The following GDI2 variants were observed in gnomAD, a reference collection of about 807,000 sequenced individuals.
GDI2 encodes the protein GDP dissociation inhibitor 2.
In GDI2, 22 loss-of-function variants were observed where a neutral mutation model predicts 54.2. That is an observed-to-expected ratio of 0.41 (90% CI 0.29 to 0.58). The LOEUF (loss-of-function observed/expected upper bound fraction) is 0.58. Among genes scored for constraint, GDI2 ranks in the 20% least tolerant of loss-of-function variants. The pLI, the probability that GDI2 is intolerant of heterozygous loss-of-function variation, is 0.35. For synonymous variants in GDI2, 177 were observed against 182.1 expected, an observed-to-expected ratio of 0.97 and a Z score of 0.23; for missense variants, 422 against 546.0, an observed-to-expected ratio of 0.77 and a Z score of 2.26.
intron 6 of GDI2, among the ~76,000 whole-genome samples, chr10:5,784,101 A>C (rs1476071486): frequency 6.6e-6 from 1 of 152,182 alleles, no homozygotes; most frequent in Non-Finnish European, 1.5e-5. Flanking sequence ...TGTTTAACAA[A>C]CTTATTGGAG....
At position 5,774,886 on chromosome 10, in the gene GDI2, C is replaced by CAGGGGAAGGGGAAGGGCAAGGGCA. The variant is rs2131686212; in HGVS notation, c.720-969_720-946dup. 7.0e-6 allele frequency among the ~76,000 whole-genome samples: 1 copy of CAGGGGAAGGGGAAGGGCAAGGGCA among 143,056 alleles called. No homozygotes were observed. The highest frequency in any genetic ancestry group is 2.5e-5 in the African/African-American group (1 of 40,562). The allele number at this position is 143,056 out of a possible 152,430, so 93.9% of individuals were successfully genotyped here. ...TCTGCCATTTCTCTGGATTCACACC[C>CAGGGGAAGGGGAAGGGCAAGGGCA]AGGGGAAGGGGAAGGGCAAGGGCAA... On this transcript the variant is annotated intron_variant, in intron 6 of 10. Transcript: ENST00000380191. The surrounding 1 kb of genome is among the most constrained non-coding windows in gnomAD (Gnocchi z 4.8).
At position 5,796,773 on chromosome 10, in the gene GDI2, A is replaced by G. The variant is rs575306294; in HGVS notation, c.243T>C (p.Leu81=). The change falls in exon 3 of 11, where the codon CTT becomes CTC. Residue 81 remains leucine, a synonymous_variant. Transcript: ENST00000380191. ...DWNVDLIPKF[L]MANGQLVKML... is the part of the protein sequence containing the mutation. ...TTAGAAATTCTTTACCATTAGCCATAAGGAACTTGGGAATCAAGTCAACAT... is the reference window on the plus strand; with the variant it reads ...TTAGAAATTCTTTACCATTAGCCATGAGGAACTTGGGAATCAAGTCAACAT... 22 of 1,472,862 alleles carry G rather than the reference A, an allele frequency of 1.5e-5. No homozygotes were observed. The Admixed American group carries it at 3.7e-4, about 25-fold the overall frequency. The allele number at this position is 1,472,862 out of a possible 1,614,324, so 91.2% of individuals were successfully genotyped here.
intron 4 of GDI2, among the ~76,000 whole-genome samples, chr10:5,793,783 T>C (rs189979467): frequency 6.6e-6 from 1 of 152,290 alleles, no homozygotes; most frequent in East Asian, 1.9e-4. Context: ...CTGGACTGTT[T>C]GCTATTTAAG....
chr10:5,773,707 G>C (rs1840550126), intron 7 of GDI2, 135 bp downstream of exon 7: 5 of 619,160 alleles, frequency 8.1e-6, no homozygotes, highest in Middle Eastern at 2.5e-4. Flanking sequence ...ACTGTAATTA[G>C]TCCTTAGTCA....
chr10:5,781,952 G>A (rs917956555), intron 6 of GDI2, among the ~76,000 whole-genome samples: 8 of 152,192 alleles, frequency 5.3e-5, no homozygotes, highest in Non-Finnish European at 1.0e-4. Context: ...GGCAGAGGTT[G>A]TAGTGAGCCA....
chr10:5,790,422 T>A (rs1416727651), intron 4 of GDI2, among the ~76,000 whole-genome samples: 1 of 152,080 alleles, frequency 6.6e-6, no homozygotes. Flanking sequence ...GGCAGGTGGA[T>A]CACCTGAAAT....
At position 5,776,359 on chromosome 10, in the gene GDI2, GC is replaced by G; in HGVS notation, c.720-2419del. ...TCTGCTGAGGATGCAGAGAGCCAGA[GC>G]CCCCTTTCTCAGAAGCACAGCCCTT... On this transcript the variant is annotated intron_variant, in intron 6 of 10. Transcript: ENST00000380191. This position sits in a 1 kb window ranked among gnomAD's most constrained non-coding sequence, Gnocchi z 5.3. 1.5e-6 allele frequency: 1 copy of G among 679,436 alleles called. No individual in the cohort carries two copies. Among genetic ancestry groups the G allele is most frequent in the Non-Finnish European group, 2.7e-6 (1 of 372,166 alleles). The allele number at this position is 679,436 out of a possible 1,614,324, so 42.1% of individuals were successfully genotyped here.
At chr10:5,783,916 A>G (rs998641635) in intron 6 of GDI2, among the ~76,000 whole-genome samples, 17 of 152,178 alleles carry the variant, frequency 1.1e-4, no homozygotes, top group African/African-American at 4.1e-4. Context: ...CTATGTGCCT[A>G]GGTGATGATC....
At chr10:5,799,066 G>C (rs1201081258) in intron 2 of GDI2, among the ~76,000 whole-genome samples, 1 of 152,164 alleles carries the variant, frequency 6.6e-6, no homozygotes, top group Admixed American at 6.5e-5. Flanking sequence ...AGGTGCCCAG[G>C]CATGGTGGCT....
In GDI2 at chr10:5,785,385, TGTTTTTTG is replaced by T; in HGVS notation, c.588-120_588-113del. 4 of 830,784 alleles carry T rather than the reference TGTTTTTTG, an allele frequency of 4.8e-6. No homozygotes were observed. In the South Asian group the frequency reaches 7.2e-5, roughly 15 times the overall value. 51.5% of individuals were successfully genotyped at this position (830,784 alleles called of 1,614,324 possible). On this transcript the variant is annotated intron_variant, in intron 5 of 10. Transcript: ENST00000380191. ...TCCGCTATCTTCTTTTTTGTTTTTT[TGTTTTTTG>T]AGACAGGGTCTCACTCTGTCGCCCA...
chr10:5,787,129 G>C (rs1280496220), intron 4 of GDI2, among the ~76,000 whole-genome samples: 1 of 152,110 alleles, frequency 6.6e-6, no homozygotes, highest in East Asian at 1.9e-4. Context: ...ACTCTCAAAT[G>C]TTTCTATTGA....
chr10:5,773,986 A>C, intron 6 of GDI2, 45 bp from the exon 7 acceptor site: 1 of 795,292 alleles, frequency 1.3e-6, no homozygotes, highest in Non-Finnish European at 2.1e-6. Context: ...TAGTTGTTTC[A>C]ACTCCTAAAG....
chr10:5,790,095 A>G (rs1840978530), intron 4 of GDI2, among the ~76,000 whole-genome samples: 1 of 152,234 alleles, frequency 6.6e-6, no homozygotes, highest in African/African-American at 2.4e-5. Context: ...TGATGCTGGA[A>G]GTGCTCCCAA....
rs564924565 is a variant in GDI2, at chr10:5,777,973, A to C, written c.720-4032T>G. Among the ~76,000 whole-genome samples the C allele has an allele frequency of 1.1e-3, 165 of 152,342 alleles. 1 individual carries two copies. The highest frequency in any genetic ancestry group is 3.8e-3 in the African/African-American group (158 of 41,574). ...TGCAGCCATAAAAAAGGATGAGTTCATGTCCTTTGCAGGGACATGGATGAA... is the reference window on the plus strand; with the variant it reads ...TGCAGCCATAAAAAAGGATGAGTTCCTGTCCTTTGCAGGGACATGGATGAA... On this transcript the variant is annotated intron_variant, in intron 6 of 10. Coordinates refer to ENST00000380191, the MANE Select transcript of GDI2 (RefSeq NM_001494.4).
chr10:5,804,295 T>C (rs1039842326), intron 1 of GDI2, among the ~76,000 whole-genome samples: 1 of 152,170 alleles, frequency 6.6e-6, no homozygotes, highest in African/African-American at 2.4e-5. Flanking sequence ...GGTTTCACCG[T>C]GTTGGCCAGG....
intron 5 of GDI2, 21 bp downstream of exon 5, chr10:5,785,831 T>C (rs951272280): frequency 2.1e-6 from 3 of 1,429,174 alleles, no homozygotes; most frequent in Non-Finnish European, 2.9e-6. Context: ...AAAATACAAA[T>C]CTAAAAACCA....
At chr10:5,803,113 G>C (rs1588987963) in intron 1 of GDI2, among the ~76,000 whole-genome samples, 1 of 152,194 alleles carries the variant, frequency 6.6e-6, no homozygotes, top group African/African-American at 2.4e-5. Context: ...GTTTTATTAA[G>C]CCAGACATTA....
At chr10:5,788,576 C>T (rs758384447) in intron 4 of GDI2, among the ~76,000 whole-genome samples, 2 of 152,162 alleles carry the variant, frequency 1.3e-5, no homozygotes, top group East Asian at 1.9e-4. Context: ...AATACACTAA[C>T]GATAGCTAAT....
intron 2 of GDI2, among the ~76,000 whole-genome samples, chr10:5,797,933 T>C (rs926290941): frequency 1.3e-5 from 2 of 152,216 alleles, no homozygotes; most frequent in Non-Finnish European, 2.9e-5. Context: ...CCTTAGATTC[T>C]TCCTAATCAG....
Sources: allele counts gnomAD v4.1 joint callset (sites outside exome capture counted in the v4.1 genomes callset), GRCh38; gene constraint gnomAD v4.1.1; non-coding constraint Gnocchi (gnomAD v3.1); transcripts MANE v1.5; gene names NCBI Gene and HGNC (gene_info 2026-07-23, HGNC 2026-07-21).